Variants in ATP2C2 observed in about 807,000 individuals in gnomAD.
ATP2C2 encodes calcium-transporting ATPase type 2C member 2.
Under a neutral mutation model 110.8 loss-of-function variants are expected in ATP2C2, and 171 were observed. The observed-to-expected ratio is 1.54, with a 90% confidence interval of 1.36 to 1.75. The LOEUF (loss-of-function observed/expected upper bound fraction) is 1.75, where lower values mean the gene tolerates loss of function less well. Ranked by LOEUF, ATP2C2 falls within the 40% of genes most tolerant of loss-of-function variation. The pLI, the probability that ATP2C2 is intolerant of heterozygous loss-of-function variation, is 0.00. For synonymous variants in ATP2C2, 804 were observed against 508.4 expected (o/e 1.58, Z -7.82); for missense variants, 1,963 against 1,235.0 (o/e 1.59, Z -8.84).
chr16:84,400,361 C>G (rs567253305), intron 2 of ATP2C2, among the ~76,000 whole-genome samples: 1 of 146,166 alleles, frequency 6.8e-6, no homozygotes, highest in African/African-American at 2.6e-5. Context: ...GAGTCTCACT[C>G]TGTCACCCAA....
intron 2 of ATP2C2, chr16:84,404,865 C>A: frequency 4.2e-6 from 2 of 478,818 alleles, no homozygotes; most frequent in East Asian, 5.3e-5. Flanking sequence ...TTCTGGAAGT[C>A]TATGCTGCAT....
rs183426891 is a variant in ATP2C2 at position 84,389,306 on chromosome 16, C to G, written c.100-9193C>G. On this transcript the variant is annotated intron_variant, in intron 1 of 26. Coordinates refer to ENST00000262429, the MANE Select transcript of ATP2C2 (RefSeq NM_014861.4). ...TTTCTCACAATTCCTGGGTGCCTTT[C>G]TAGATTCCCCGCGATCTGCACTGGG... 2.1e-3 allele frequency among the ~76,000 whole-genome samples: 322 copies of G among 152,286 alleles called. 4 individuals carry two copies. The highest frequency in any genetic ancestry group is 0.011 in the South Asian group (55 of 4,818).
In ATP2C2 at chr16:84,394,240, A is replaced by G. The variant is rs563554629; in HGVS notation, c.100-4259A>G. Among the ~76,000 whole-genome samples, 94 of 152,192 alleles carry G rather than the reference A, an allele frequency of 6.2e-4. 1 individual carries two copies. Among genetic ancestry groups the G allele is most frequent in the African/African-American group, 2.0e-3 (82 of 41,452 alleles). On this transcript the variant is annotated intron_variant, in intron 1 of 26. Transcript: ENST00000262429. ...AGGTGAAATTCACATAACAAAATCAACCATCTCACAGTAAACATTGTAATG... is the reference window on the plus strand; with the variant it reads ...AGGTGAAATTCACATAACAAAATCAGCCATCTCACAGTAAACATTGTAATG...
intron 1 of ATP2C2, among the ~76,000 whole-genome samples, chr16:84,376,136 G>A (rs1214595052): frequency 1.3e-5 from 2 of 152,104 alleles, no homozygotes; most frequent in East Asian, 1.9e-4. Context: ...GGGCTCCTGC[G>A]ACCCCTTGCG....
At position 84,405,051 on chromosome 16, in the gene ATP2C2, A is replaced by G. The variant is rs780213597; in HGVS notation, c.211-77A>G. 1.4e-5 allele frequency: 17 copies of G among 1,221,834 alleles called. No homozygotes were observed. The Admixed American group carries it at 2.9e-4, about 21-fold the overall frequency. 75.7% of individuals were successfully genotyped at this position (1,221,834 alleles called of 1,614,324 possible). A position where few individuals can be genotyped will look rare whatever the true frequency, so the allele number is the denominator to read the frequency against. ...CCCATCATGGAAGCCGCTGCCTTTC[A>G]GAGTGGGAGTCTGTACCCTGTTGCC... On this transcript the variant is annotated intron_variant, in intron 2 of 26. Coordinates refer to ENST00000262429, the MANE Select transcript of ATP2C2 (RefSeq NM_014861.4).
rs551736518 is a variant in ATP2C2, at chr16:84,382,875, G to A, written c.99+14161G>A. ...CTTTTCACTGCATTCCAGCGTGGGC[G>A]ACAGAGCAAGACTCCATCTAAAAAA... On this transcript the variant is annotated intron_variant, in intron 1 of 26. Transcript: ENST00000262429. 1.7e-4 allele frequency among the ~76,000 whole-genome samples: 24 copies of A among 140,264 alleles called. No individual in the cohort carries two copies. The South Asian group carries it at 4.2e-3, about 25-fold the overall frequency. 92.0% of individuals were successfully genotyped at this position (140,264 alleles called of 152,430 possible). A position where few individuals can be genotyped will look rare whatever the true frequency, so the allele number is the denominator to read the frequency against.
At chr16:84,451,155 G>A (rs1374630774) in intron 17 of ATP2C2, among the ~76,000 whole-genome samples, 3 of 152,152 alleles carry the variant, frequency 2.0e-5, no homozygotes, top group African/African-American at 7.2e-5. Context: ...GTCTTACATG[G>A]CAGCCGGCAA....
chr16:84,419,398 C>G (rs1907127088), intron 7 of ATP2C2, among the ~76,000 whole-genome samples: 1 of 152,174 alleles, frequency 6.6e-6, no homozygotes, highest in Non-Finnish European at 1.5e-5. Flanking sequence ...ATCTCCAACC[C>G]TCCGTCCTCC....
chr16:84,397,199 G>C (rs1308546875), intron 1 of ATP2C2, among the ~76,000 whole-genome samples: 1 of 151,738 alleles, frequency 6.6e-6, no homozygotes, highest in Non-Finnish European at 1.5e-5. Flanking sequence ...GAAGCCTCCA[G>C]GTGTTTCACG....
In ATP2C2 at chr16:84,398,573, C is replaced by G. The variant is rs1268303178; in HGVS notation, c.174C>G (p.Cys58Trp). Residue 58 changes from cysteine to tryptophan, a missense_variant, in exon 2 of 27, where the codon TGC becomes TGG. Physicochemically the swap from Cys to Trp is radical, Grantham distance 215 (BLOSUM62 -2). Coordinates refer to ENST00000262429, the MANE Select transcript of ATP2C2 (RefSeq NM_014861.4). ...KVTALPPKEA[C>W]KCQKEDLARA... The stretch of plus-strand genomic sequence containing the variant: ...CAGCCCTGCCCCCCAAGGAAGCGTG[C>G]AAATGCCAGAAAGAGGATTTGGCCA... The G allele has an allele frequency of 6.2e-7, 1 of 1,612,314 alleles. No individual in the cohort carries two copies. Among genetic ancestry groups the G allele is most frequent in the African/African-American group, 1.3e-5 (1 of 74,824 alleles).
intron 15 of ATP2C2, 42 bp from the exon 16 acceptor site, chr16:84,446,287 C>A: frequency 8.0e-7 from 1 of 1,243,614 alleles, no homozygotes; most frequent in Non-Finnish European, 1.1e-6. Flanking sequence ...TAGAGATTGG[C>A]TTCGGATGAC....
intron 7 of ATP2C2, among the ~76,000 whole-genome samples, chr16:84,418,692 C>G (rs994602240): frequency 6.6e-6 from 1 of 152,198 alleles, no homozygotes; most frequent in Non-Finnish European, 1.5e-5. Context: ...GCCTCTAGCT[C>G]CGCAGCCCAT....
At chr16:84,406,807 C>T (rs1905811934) in intron 3 of ATP2C2, among the ~76,000 whole-genome samples, 1 of 152,078 alleles carries the variant, frequency 6.6e-6, no homozygotes, top group South Asian at 2.1e-4. Flanking sequence ...CTTTGCTCTG[C>T]CCTGGCACCC....
At chr16:84,459,459 G>T (rs555962322) in intron 23 of ATP2C2, 73 bp downstream of exon 23, 1 of 1,602,852 alleles carries the variant, frequency 6.2e-7, no homozygotes, top group Non-Finnish European at 8.5e-7. Flanking sequence ...GCTGCTGGCT[G>T]TGCCCCAAGG....
intron 6 of ATP2C2, 29 bp downstream of exon 6, chr16:84,410,794 G>A (rs750132298): frequency 1.2e-6 from 2 of 1,605,358 alleles, no homozygotes; most frequent in African/African-American, 2.7e-5. Context: ...GGGACTTTTT[G>A]GTTCACTGGA....
intron 1 of ATP2C2, among the ~76,000 whole-genome samples, chr16:84,370,409 G>A (rs923003468): frequency 6.6e-5 from 10 of 152,204 alleles, no homozygotes; most frequent in African/African-American, 2.4e-4. Flanking sequence ...AAGAAGCCAT[G>A]CTGTCTCCAG....
chr16:84,422,519 G>A lies in ATP2C2; in HGVS notation c.754G>A (p.Val252Met), dbSNP rs752270464. 5 of 1,614,104 alleles carry A rather than the reference G, an allele frequency of 3.1e-6. No homozygotes were observed. The highest frequency in any genetic ancestry group is 1.1e-5 in the South Asian group (1 of 91,068). Residue 252 changes from valine to methionine, a missense_variant, in exon 8 of 27, where the codon GTG (valine) becomes ATG (methionine). Transcript: ENST00000262429. ...CAACATCGTCTTCATGGGGACCCTG[G>A]TGCAGTATGGGAGGGGCCAGGTAAG... ...LSNIVFMGTL[V>M]QYGRGQGVVI... is the part of the protein sequence containing the mutation.
intron 2 of ATP2C2, 129 bp from the exon 3 acceptor site, chr16:84,404,999 C>G (rs749267163): frequency 2.4e-6 from 2 of 821,958 alleles, no homozygotes; most frequent in African/African-American, 1.7e-5. Flanking sequence ...AGTCCCAGCA[C>G]CTTGGTGGAC....
At chr16:84,387,858 G>A (rs1200359950) in intron 1 of ATP2C2, among the ~76,000 whole-genome samples, 2 of 152,010 alleles carry the variant, frequency 1.3e-5, no homozygotes, top group Non-Finnish European at 2.9e-5. Context: ...AAGCTGAGGT[G>A]GTAGGATTGC....
Sources: allele counts gnomAD v4.1 joint callset (sites outside exome capture counted in the v4.1 genomes callset), GRCh38; gene constraint gnomAD v4.1.1; transcripts MANE v1.5; gene names NCBI Gene and HGNC (gene_info 2026-07-23, HGNC 2026-07-21).